The following ADCY9 variants were observed in gnomAD, a reference collection of about 807,000 sequenced individuals.
ADCY9 encodes the protein adenylate cyclase type 9.
ADCY9 carries 50 observed loss-of-function variants against 101.5 expected under a neutral mutation model. That is an observed-to-expected ratio of 0.49 (90% confidence interval 0.39 to 0.62). The LOEUF is 0.62. Among genes scored for constraint, ADCY9 ranks in the 20% least tolerant of loss-of-function variants. The pLI, the probability that ADCY9 is intolerant of heterozygous loss-of-function variation, is 0.00. For synonymous variants in ADCY9, 905 were observed against 769.3 expected, an observed-to-expected ratio of 1.18 and a Z score of -2.92; for missense variants, 1,662 against 1,800.4, an observed-to-expected ratio of 0.92 and a Z score of 1.39.
chr16:3,983,118 CAG>C (rs1241194036), intron 7 of ADCY9, 112 bp downstream of exon 7: 8 of 1,020,240 alleles, frequency 7.8e-6, no homozygotes, highest in Non-Finnish European at 1.1e-5. Flanking sequence ...CTCCAGAAAT[CAG>C]CCAGCAGGGA....
chr16:4,030,973 A>G (rs1417037483), intron 2 of ADCY9, among the ~76,000 whole-genome samples: 1 of 152,192 alleles, frequency 6.6e-6, no homozygotes, highest in Non-Finnish European at 1.5e-5. Context: ...AATTTATTTT[A>G]AGAAACAGGA....
rs757575136 is a variant in ADCY9, at chr16:4,114,405, T to G, written c.1038A>C (p.Leu346Phe). ...CACTCTCCTCATCTCCCTGCTTCAT[T>G]AAGTCATCGGCTATGATTCTTGGCA... is the stretch of plus-strand genomic sequence containing the variant. ...SVMPRIIADD[L>F]MKQGDEESEN... Residue 346 changes from leucine to phenylalanine, a missense_variant, in exon 2 of 11, where the codon TTA becomes TTC. Around this residue, in one of 5 missense-constraint regions of ADCY9, gnomAD observed 228 missense variants for 301.1 expected, o/e 0.76. Coordinates refer to ENST00000294016, the MANE Select transcript of ADCY9 (RefSeq NM_001116.4). The surrounding 1 kb of genome is among the most constrained non-coding windows in gnomAD (Gnocchi z 4.3). The G allele has an allele frequency of 6.2e-7, 1 of 1,614,130 alleles. No individual in the cohort carries two copies. Among genetic ancestry groups the G allele is most frequent in the South Asian group, 1.1e-5 (1 of 91,086 alleles).
downstream of ADCY9, among the ~76,000 whole-genome samples, chr16:3,961,534 A>G (rs9934657): frequency 0.015 from 2,269 of 152,030 alleles, 64 homozygotes; most frequent in African/African-American, 0.052. Context: ...TGGAAAGGTG[A>G]CCAGGGAGGC....
intron 2 of ADCY9, among the ~76,000 whole-genome samples, chr16:4,014,180 G>A (rs965466316): frequency 6.6e-5 from 10 of 152,052 alleles, no homozygotes; most frequent in East Asian, 3.9e-4. Flanking sequence ...TTAACTGGGC[G>A]TGGTGGCACA....
chr16:4,030,970 T>C (rs1427672884), intron 2 of ADCY9, among the ~76,000 whole-genome samples: 2 of 152,148 alleles, frequency 1.3e-5, no homozygotes, highest in Non-Finnish European at 2.9e-5. Flanking sequence ...CAAAATTTAT[T>C]TTAAGAAACA....
intron 2 of ADCY9, among the ~76,000 whole-genome samples, chr16:4,023,252 C>T (rs1437095516): frequency 6.6e-6 from 1 of 152,240 alleles, no homozygotes; most frequent in East Asian, 1.9e-4. Context: ...TCACCTGACT[C>T]AGTGGTAGGA....
chr16:4,080,807 T>C (rs959910917), intron 2 of ADCY9, among the ~76,000 whole-genome samples: 1 of 150,436 alleles, frequency 6.6e-6, no homozygotes, highest in Non-Finnish European at 1.5e-5. Flanking sequence ...TTTTTCCCCC[T>C]TGCCTCTTCT....
intron 2 of ADCY9, among the ~76,000 whole-genome samples, chr16:4,044,074 C>T (rs768818949): frequency 2.0e-5 from 3 of 152,074 alleles, no homozygotes; most frequent in Non-Finnish European, 4.4e-5. Flanking sequence ...AGGCCAGGCA[C>T]GGTGGCTCAT....
At chr16:4,110,100 T>TC (rs968507975) in intron 2 of ADCY9, among the ~76,000 whole-genome samples, 13 of 152,194 alleles carry the variant, frequency 8.5e-5, no homozygotes, top group African/African-American at 3.1e-4. Flanking sequence ...CGCTCCCCAC[T>TC]CCCGAACATA....
chr16:3,985,140 CTTTTTTT>C (rs139751473), intron 6 of ADCY9, among the ~76,000 whole-genome samples: 1 of 78,368 alleles, frequency 1.3e-5, no homozygotes, highest in African/African-American at 4.8e-5. Flanking sequence ...TTTTCTTTTC[CTTTTTTT>C]TTTTTTTTTT....
At chr16:3,982,674 CCTGAT>C (rs2056153944) in intron 7 of ADCY9, 1 of 154,546 alleles carries the variant, frequency 6.5e-6, no homozygotes, top group African/African-American at 2.4e-5. Flanking sequence ...TTGTCCGAGG[CCTGAT>C]CTGCAAGTGT....
chr16:4,051,118 C>A (rs552974997), intron 2 of ADCY9, among the ~76,000 whole-genome samples: 152 of 152,068 alleles, frequency 1.0e-3, no homozygotes, highest in African/African-American at 3.5e-3. Flanking sequence ...GAGGCTGAGG[C>A]AGGAGAATTG....
At chr16:3,989,442 G>T (rs902664821) in intron 5 of ADCY9, among the ~76,000 whole-genome samples, 2 of 151,838 alleles carry the variant, frequency 1.3e-5, no homozygotes, top group Admixed American at 1.3e-4. Flanking sequence ...ATGGCGCAGC[G>T]ATCTTGGCTC....
chr16:4,029,195 G>C (rs2141752128), intron 2 of ADCY9, among the ~76,000 whole-genome samples: 1 of 152,158 alleles, frequency 6.6e-6, no homozygotes, highest in South Asian at 2.1e-4. Flanking sequence ...TGAAACAATA[G>C]AGTATCTAGG....
At chr16:3,983,551 G>T in intron 6 of ADCY9, 111 bp from the exon 7 acceptor site, 3 of 912,668 alleles carry the variant, frequency 3.3e-6, no homozygotes, top group Non-Finnish European at 5.1e-6. Context: ...TCTGGGCCAG[G>T]CACAGGGCAG....
intron 2 of ADCY9, among the ~76,000 whole-genome samples, chr16:4,081,862 G>A (rs1313223474): frequency 6.7e-6 from 1 of 148,794 alleles, no homozygotes; most frequent in Admixed American, 6.7e-5. Context: ...GTGTGGGTAA[G>A]AGCAAGAAAG....
chr16:4,040,902 CCAA>C (rs781487084), intron 2 of ADCY9, among the ~76,000 whole-genome samples: 2 of 152,138 alleles, frequency 1.3e-5, no homozygotes, highest in Non-Finnish European at 2.9e-5. Context: ...ATTTGATTTT[CCAA>C]CGAGACAGGT....
chr16:4,102,326 G>A lies in ADCY9; in HGVS notation c.1693+11424C>T, dbSNP rs549585394. On this transcript the variant is annotated intron_variant, in intron 2 of 10. Transcript: ENST00000294016. ...AGGAAACCATACAACCGAGAATTAA[G>A]CCCGAATGTATCAGAAATCAAAATC... Among the ~76,000 whole-genome samples the A allele has an allele frequency of 5.9e-5, 9 of 152,220 alleles. No homozygotes were observed. In the South Asian group the frequency reaches 1.7e-3, roughly 28 times the overall value.
intron 2 of ADCY9, among the ~76,000 whole-genome samples, chr16:4,113,444 C>A (rs1567153452): frequency 6.6e-6 from 1 of 152,204 alleles, no homozygotes; most frequent in South Asian, 2.1e-4. Flanking sequence ...GGGCTCCATA[C>A]CCTTACATTC....
Sources: allele counts gnomAD v4.1 joint callset (sites outside exome capture counted in the v4.1 genomes callset), GRCh38; gene constraint gnomAD v4.1.1; regional missense constraint gnomAD v4.1.1; non-coding constraint Gnocchi (gnomAD v3.1); transcripts MANE v1.5; gene names NCBI Gene and HGNC (gene_info 2026-07-23, HGNC 2026-07-21).